Variants in SLC28A3 observed in about 807,000 individuals in gnomAD.
SLC28A3 encodes solute carrier family 28 member 3.
SLC28A3 carries 68 observed loss-of-function variants against 84.2 expected under a neutral mutation model. The observed-to-expected ratio is 0.81, with a 90% CI of 0.66 to 0.99. The LOEUF (loss-of-function observed/expected upper bound fraction) is 0.99. Among genes scored for constraint, SLC28A3 ranks in the 50% least tolerant of loss-of-function variants. SLC28A3 has a pLI of 0.00. For missense variants in SLC28A3, 712 were observed against 841.5 expected, an observed-to-expected ratio of 0.85 and a Z score of 1.90; for synonymous variants, 267 against 303.6, an observed-to-expected ratio of 0.88 and a Z score of 1.25.
At chr9:84,333,755 G>A (rs543067533) in intron 1 of SLC28A3, among the ~76,000 whole-genome samples, 1 of 152,262 alleles carries the variant, frequency 6.6e-6, no homozygotes, top group African/African-American at 2.4e-5. Flanking sequence ...AAAGTTGAAA[G>A]TATATGTTTA....
chr9:84,286,445 CT>C lies in SLC28A3; in HGVS notation c.1281-335del, dbSNP rs71498094. ...ATAGCATGTGTGCCACCATGCTTGGCTTTTTTTTTTTTTTTTTTTTTTTAAG... is the reference window on the plus strand; with the variant it reads ...ATAGCATGTGTGCCACCATGCTTGGCTTTTTTTTTTTTTTTTTTTTTTAAG... On this transcript the variant is annotated intron_variant, in intron 12 of 17. Coordinates refer to ENST00000376238, the MANE Select transcript of SLC28A3 (RefSeq NM_001199633.2). 6.1e-3 allele frequency among the ~76,000 whole-genome samples: 533 copies of C among 87,648 alleles called. 2 individuals carry two copies. Among genetic ancestry groups the C allele is most frequent in the African/African-American group, 0.021 (432 of 21,006 alleles). 57.5% of individuals were successfully genotyped at this position (87,648 alleles called of 152,430 possible).
intron 4 of SLC28A3, among the ~76,000 whole-genome samples, chr9:84,303,782 C>T (rs958757954): frequency 6.6e-6 from 1 of 152,170 alleles, no homozygotes; most frequent in African/African-American, 2.4e-5. Flanking sequence ...GAAAACTCCA[C>T]CCTCAGGTCA....
chr9:84,341,757 A>T (rs1020462539), upstream of SLC28A3, among the ~76,000 whole-genome samples: 3 of 152,116 alleles, frequency 2.0e-5, no homozygotes, highest in Non-Finnish European at 4.4e-5. Context: ...GCTTTATGAA[A>T]ATATTAGCTG....
At chr9:84,367,465 C>T in the SLC28A3 span, among the ~76,000 whole-genome samples, 1 of 152,214 alleles carries the variant, frequency 6.6e-6, no homozygotes, top group Non-Finnish European at 1.5e-5. Flanking sequence ...TGCCCCTCCA[C>T]ACCTGTGGGT....
At chr9:84,341,614 G>A (rs530602702), upstream of SLC28A3, among the ~76,000 whole-genome samples, 1 of 152,256 alleles carries the variant, frequency 6.6e-6, no homozygotes, top group South Asian at 2.1e-4. Context: ...TTACATCCCT[G>A]CTTCAGACTG....
Position 84,276,523 on chromosome 9 carries a change from T to A in SLC28A3, c.*1695A>T, listed in dbSNP as rs1191946319. 1 of 152,100 alleles carries A rather than the reference T, an allele frequency of 6.6e-6. No individual in the cohort carries two copies. Among genetic ancestry groups the A allele is most frequent in the African/African-American group, 2.4e-5 (1 of 41,408 alleles). 9.4% of individuals were successfully genotyped at this position (152,100 alleles called of 1,614,324 possible). A position where few individuals can be genotyped will look rare whatever the true frequency, so the allele number is the denominator to read the frequency against. On this transcript the variant is annotated 3_prime_UTR_variant, in exon 18 of 18. Transcript: ENST00000376238. ...AATGCATGTCCACAGAGGAATGGTATGATACATAAACATAACATTCTGTGG... is the reference window on the plus strand; with the variant it reads ...AATGCATGTCCACAGAGGAATGGTAAGATACATAAACATAACATTCTGTGG...
At chr9:84,351,147 A>C in the SLC28A3 span, among the ~76,000 whole-genome samples, 1 of 152,214 alleles carries the variant, frequency 6.6e-6, no homozygotes, top group South Asian at 2.1e-4. Flanking sequence ...CAGCATATAT[A>C]TAACTTTTTA....
chr9:84,329,871 A>G (rs555692639), intron 1 of SLC28A3, among the ~76,000 whole-genome samples: 97 of 152,066 alleles, frequency 6.4e-4, no homozygotes, highest in African/African-American at 2.1e-3. Flanking sequence ...CTCATCACAA[A>G]TAAATAAATA....
rs538822821 is a variant in SLC28A3, at chr9:84,340,451, G to GT, written c.60+122dup. On this transcript the variant is annotated intron_variant, in intron 1 of 17. Transcript: ENST00000376238. ...GAAGAAAAAATAATGGGCTTAAAGT[G>GT]TGCCGTTAAAAATCGTATTGTCCTG... The GT allele has an allele frequency of 1.6e-5, 16 of 1,011,534 alleles. No homozygotes were observed. In the Middle Eastern group the frequency reaches 8.3e-4, roughly 53 times the overall value. 62.7% of individuals were successfully genotyped at this position (1,011,534 alleles called of 1,614,324 possible). A position where few individuals can be genotyped will look rare whatever the true frequency, so the allele number is the denominator to read the frequency against.
upstream of SLC28A3, among the ~76,000 whole-genome samples, chr9:84,344,515 A>G (rs1481900202): frequency 2.6e-5 from 4 of 152,146 alleles, no homozygotes; most frequent in African/African-American, 9.7e-5. Context: ...AACCCTATAT[A>G]TCATGACTTA....
Position 84,288,156 on chromosome 9 carries a change from G to A in SLC28A3, c.1172C>T (p.Thr391Ile). 2 of 1,614,088 alleles carry A rather than the reference G, an allele frequency of 1.2e-6. No individual in the cohort carries two copies. Among genetic ancestry groups the A allele is most frequent in the Non-Finnish European group, 8.5e-7 (1 of 1,179,944 alleles). ...SFGVPSSHLL[T>I]ASVMSAPASL... ...CGCAGGTGCTGACATAACTGACGCT[G>A]TTAACAAGTGGGAGGATGGAACCTG... The change falls in exon 12 of 18, where the codon ACA becomes ATA. Residue 391 changes from threonine (T) to isoleucine (I), a missense_variant. Transcript: ENST00000376238.
the SLC28A3 span, among the ~76,000 whole-genome samples, chr9:84,367,880 A>C: frequency 6.6e-6 from 1 of 152,328 alleles, no homozygotes; most frequent in South Asian, 2.1e-4. Flanking sequence ...GGTTTTCTCC[A>C]TCTCAGAGTA....
intron 17 of SLC28A3, 73 bp downstream of exon 17, chr9:84,279,188 AAAGT>A (rs1824639285): frequency 3.7e-6 from 5 of 1,351,504 alleles, no homozygotes; most frequent in African/African-American, 3.0e-5. Context: ...AAAAAAAAAA[AAAGT>A]AAGTGGATAT....
intron 1 of SLC28A3, among the ~76,000 whole-genome samples, chr9:84,327,309 GGTACCAT>G (rs1222685290): frequency 6.7e-6 from 1 of 150,004 alleles, no homozygotes; most frequent in African/African-American, 2.5e-5. Context: ...AAATGTGGCT[GGTACCAT>G]TCACCACACT....
chr9:84,293,709 C>G (rs1359982688), intron 9 of SLC28A3, among the ~76,000 whole-genome samples: 1 of 152,172 alleles, frequency 6.6e-6, no homozygotes, highest in Non-Finnish European at 1.5e-5. Context: ...CATGCACGCT[C>G]ATGCTTATGA....
Position 84,280,755 on chromosome 9 carries a change from T to C in SLC28A3, c.1729+46A>G, listed in dbSNP as rs745368018. ...ACAGAGCAAAATGGGGATCCAAGTA[T>C]GTCTATGGCACATCTGTGTTGTTGA... On this transcript the variant is annotated intron_variant, in intron 15 of 17. Transcript: ENST00000376238. The C allele has an allele frequency of 1.9e-6, 3 of 1,590,878 alleles. 1 individual carries two copies. The highest frequency in any genetic ancestry group is 2.2e-5 in the South Asian group (2 of 90,172).
At chr9:84,358,359 C>T in the SLC28A3 span, among the ~76,000 whole-genome samples, 1 of 152,148 alleles carries the variant, frequency 6.6e-6, no homozygotes, top group African/African-American at 2.4e-5. Flanking sequence ...ACTTAACACC[C>T]TCCCCCAACA....
chr9:84,344,640 C>T (rs932194321), upstream of SLC28A3, among the ~76,000 whole-genome samples: 1 of 152,182 alleles, frequency 6.6e-6, no homozygotes. Flanking sequence ...TCCTTTGTCT[C>T]TAAGGGCAGC....
chr9:84,280,865 G>T lies in SLC28A3; in HGVS notation c.1665C>A (p.Ile555=). 1.2e-6 allele frequency: 2 copies of T among 1,614,024 alleles called. No individual in the cohort carries two copies. Among genetic ancestry groups the T allele is most frequent in the South Asian group, 1.1e-5 (1 of 91,050 alleles). ...QQYISIRSEI[I]ATYALCGFAN... Reference sequence around the variant, plus strand: ...CAAAACCACAGAGAGCGTAAGTGGCGATTATCTCAGAACGAATCTGTAAGC... The same window carrying T: ...CAAAACCACAGAGAGCGTAAGTGGCTATTATCTCAGAACGAATCTGTAAGC... The change falls in exon 15 of 18, where the codon ATC becomes ATA. Residue 555 remains isoleucine (I), a synonymous_variant. Coordinates refer to ENST00000376238, the MANE Select transcript of SLC28A3 (RefSeq NM_001199633.2).
Sources: gnomAD v4.1 joint callset for allele counts (sites outside exome capture counted in the v4.1 genomes callset) on GRCh38, gnomAD v4.1.1 for gene constraint, MANE v1.5 for transcripts, NCBI Gene and HGNC (gene_info 2026-07-23, HGNC 2026-07-21) for gene names.